The following DSC2 variants were observed in gnomAD, a reference collection of about 807,000 sequenced individuals.
The protein encoded by DSC2 is desmocollin 2.
A neutral mutation model predicts 87.6 loss-of-function variants in DSC2; 51 were observed. The ratio of observed to expected loss-of-function variants is 0.58; its 90% CI spans 0.46 to 0.74. The LOEUF (loss-of-function observed/expected upper bound fraction) is 0.74, where lower values mean the gene tolerates loss of function less well. Among genes scored for constraint, DSC2 ranks in the 30% least tolerant of loss-of-function variants. The probability of loss-of-function intolerance (pLI) is 0.00; values close to 1 mark genes in which losing one functional copy is unlikely to be tolerated. For missense variants in DSC2, 1,066 were observed against 1,089.5 expected (o/e 0.98, Z 0.30); for synonymous variants, 383 against 393.2 (o/e 0.97, Z 0.31).
At position 31,101,317 on chromosome 18, in the gene DSC2, C is replaced by T. The variant is rs1278154929; in HGVS notation, c.69+586G>A. 3 of 951,642 alleles carry T rather than the reference C, an allele frequency of 3.2e-6. No homozygotes were observed. The African/African-American group carries it at 5.5e-5, about 17-fold the overall frequency. The allele number at this position is 951,642 out of a possible 1,614,324, so 58.9% of individuals were successfully genotyped here. Reference sequence around the variant, plus strand: ...CGCCCTTCTCTCAGAGTAAACAATTCCCAGAAAGGCGAGCAGTTCCCTTTT... The same window carrying T: ...CGCCCTTCTCTCAGAGTAAACAATTTCCAGAAAGGCGAGCAGTTCCCTTTT... On this transcript the variant is annotated intron_variant, in intron 1 of 15. Coordinates refer to ENST00000280904, the MANE Select transcript of DSC2 (RefSeq NM_024422.6).
At position 31,092,314 on chromosome 18, in the gene DSC2, G is replaced by A. The variant is rs761751783; in HGVS notation, c.155-14C>T. 2 of 1,604,854 alleles carry A rather than the reference G, an allele frequency of 1.2e-6. No individual in the cohort carries two copies. The highest frequency in any genetic ancestry group is 1.1e-5 in the South Asian group (1 of 90,850). ...CTTTCAGGTTAACTGTAGAAAATAT[G>A]CACAGCAATCATTTTTAAAGTAAAA... On this transcript the variant is annotated splice_polypyrimidine_tract_variant and intron_variant, in intron 2 of 15. Transcript: ENST00000280904.
intron 14 of DSC2, 68 bp downstream of exon 14, chr18:31,070,657 AT>A: frequency 6.2e-7 from 1 of 1,604,338 alleles, no homozygotes. Flanking sequence ...AGAAAAGATC[AT>A]TTTAGAAGGA....
intron 12 of DSC2, among the ~76,000 whole-genome samples, chr18:31,074,048 A>G (rs1342296810): frequency 6.6e-6 from 1 of 152,216 alleles, no homozygotes; most frequent in Non-Finnish European, 1.5e-5. Flanking sequence ...TGGGCAGCCC[A>G]CATACACTGA....
intron 12 of DSC2, among the ~76,000 whole-genome samples, chr18:31,072,865 T>C (rs1986879376): frequency 6.6e-6 from 1 of 152,236 alleles, no homozygotes; most frequent in Non-Finnish European, 1.5e-5. Context: ...GGTTAACCTG[T>C]TAAGTCTATT....
In DSC2 at chr18:31,059,546, C is replaced by T. The variant is rs1330974796; in HGVS notation, c.*8469G>A. 2.0e-5 allele frequency: 3 copies of T among 152,068 alleles called. No homozygotes were observed. Among genetic ancestry groups the T allele is most frequent in the Non-Finnish European group, 4.4e-5 (3 of 68,010 alleles). The allele number at this position is 152,068 out of a possible 1,614,324, so 9.4% of individuals were successfully genotyped here. On this transcript the variant is annotated 3_prime_UTR_variant, in exon 16 of 16. Coordinates refer to ENST00000280904, the MANE Select transcript of DSC2 (RefSeq NM_024422.6). ...CTTTTCTTCACAGGCCTGTAAGCTC[C>T]CCAAATTCTAAAGCCTGTGAGTTTT...
At chr18:31,086,316 TGACA>T (rs1366238753) in intron 7 of DSC2, among the ~76,000 whole-genome samples, 2 of 152,192 alleles carry the variant, frequency 1.3e-5, no homozygotes, top group African/African-American at 4.8e-5. Flanking sequence ...TTTTCATATT[TGACA>T]TTTTGTTTTA....
At chr18:31,072,715 G>T (rs1327064600) in intron 12 of DSC2, among the ~76,000 whole-genome samples, 1 of 152,114 alleles carries the variant, frequency 6.6e-6, no homozygotes, top group Non-Finnish European at 1.5e-5. Context: ...GCAGATACCA[G>T]GTCCCATAGA....
chr18:31,087,803 A>G lies in DSC2; in HGVS notation c.641T>C (p.Phe214Ser). Residue 214 changes from phenylalanine (F) to serine (S), a missense_variant, in exon 6 of 16, where the codon TTT becomes TCT. Coordinates refer to ENST00000280904, the MANE Select transcript of DSC2 (RefSeq NM_024422.6). ...EQYESFEIIAFATTPDGYTPE... is the reference protein window; with the variant it reads ...EQYESFEIIASATTPDGYTPE... ...AGTATACCCATCTGGAGTTGTTGCAAAGGCAATTATCTGTGAAGAGAGTAA... is the reference window on the plus strand; with the variant it reads ...AGTATACCCATCTGGAGTTGTTGCAGAGGCAATTATCTGTGAAGAGAGTAA... The G allele has an allele frequency of 6.2e-7, 1 of 1,613,790 alleles. No homozygotes were observed.
chr18:31,101,695 T>C, intron 1 of DSC2: 1 of 580,688 alleles, frequency 1.7e-6, no homozygotes, highest in Non-Finnish European at 3.0e-6. Context: ...GGAGACACCT[T>C]CCCTTCCCTT....
intron 1 of DSC2, among the ~76,000 whole-genome samples, chr18:31,098,955 A>T (rs181997255): frequency 1.1e-3 from 167 of 152,318 alleles, no homozygotes; most frequent in Non-Finnish European, 2.1e-3. Flanking sequence ...AAGGAAGGGG[A>T]GCAGTGAGAA....
chr18:31,080,221 C>A lies in DSC2; in HGVS notation c.1395G>T (p.Gln465His), dbSNP rs751245161. 1 of 1,614,078 alleles carries A rather than the reference C, an allele frequency of 6.2e-7. No homozygotes were observed. The highest frequency in any genetic ancestry group is 1.1e-5 in the South Asian group (1 of 91,082). ...GAGGGTTACACTCAGGGCCCTCATC[C>A]TGATCTTCTACATTAACAGTAACTG... ...TATVTVNVEDQDEGPECNPPI... is the reference protein window; with the variant it reads ...TATVTVNVEDHDEGPECNPPI... Residue 465 changes from glutamine to histidine, a missense_variant, in exon 10 of 16, where the codon CAG (glutamine) becomes CAT (histidine). Transcript: ENST00000280904.
At chr18:31,090,503 T>C (rs1033276867) in intron 4 of DSC2, among the ~76,000 whole-genome samples, 3 of 151,966 alleles carry the variant, frequency 2.0e-5, no homozygotes, top group African/African-American at 7.3e-5. Context: ...TGGGAGATCA[T>C]TTCAGCCTAG....
chr18:31,071,705 A>T lies in DSC2; in HGVS notation c.2025T>A (p.Asn675Lys). The T allele has an allele frequency of 6.2e-7, 1 of 1,614,098 alleles. No homozygotes were observed. Among genetic ancestry groups the T allele is most frequent in the African/African-American group, 1.3e-5 (1 of 75,048 alleles). ...DVTLCDCITE[N>K]DCTHRVDPRI... is the part of the protein sequence containing the mutation. ...TTGGATCTACACGATGTGTGCAGTC[A>T]TTTTCGGTAATGCAGTCACACAGTG... Residue 675 changes from asparagine (N) to lysine (K), a missense_variant, in exon 13 of 16, where the codon AAT (asparagine) becomes AAA (lysine). Physicochemically the swap from Asn to Lys is moderately conservative, Grantham distance 94. Coordinates refer to ENST00000280904, the MANE Select transcript of DSC2 (RefSeq NM_024422.6).
intron 5 of DSC2, among the ~76,000 whole-genome samples, chr18:31,088,532 G>T (rs1291467644): frequency 2.0e-5 from 3 of 152,086 alleles, no homozygotes; most frequent in Non-Finnish European, 2.9e-5. Flanking sequence ...TGTCTTATTT[G>T]ATTAATTTGG....
Position 31,080,310 on chromosome 18 carries a change from C to A in DSC2, c.1306G>T (p.Gly436Cys). 1 of 1,613,972 alleles carries A rather than the reference C, an allele frequency of 6.2e-7. No homozygotes were observed. Among genetic ancestry groups the A allele is most frequent in the Non-Finnish European group, 8.5e-7 (1 of 1,179,934 alleles). The part of the protein sequence containing the change: ...EEKQQMILQI[G>C]VVNEAPFSRE... ...GAAAATGGAGCTTCATTAACTACACCAATTTGCAAGATCATCTGTTGCTTT... is the reference window on the plus strand; with the variant it reads ...GAAAATGGAGCTTCATTAACTACACAAATTTGCAAGATCATCTGTTGCTTT... The change falls in exon 10 of 16, where the codon GGT (glycine) becomes TGT (cysteine). Residue 436 changes from glycine to cysteine, a missense_variant. Gly to Cys is a radical substitution (Grantham distance 159). Coordinates refer to ENST00000280904, the MANE Select transcript of DSC2 (RefSeq NM_024422.6).
In DSC2 at chr18:31,062,612, T is replaced by C. The variant is rs976093954; in HGVS notation, c.*5403A>G. 6.6e-6 allele frequency: 1 copy of C among 152,202 alleles called. No individual in the cohort carries two copies. The highest frequency in any genetic ancestry group is 2.4e-5 in the African/African-American group (1 of 41,456). The allele number at this position is 152,202 out of a possible 1,614,324, so 9.4% of individuals were successfully genotyped here. A position where few individuals can be genotyped will look rare whatever the true frequency, so the allele number is the denominator to read the frequency against. On this transcript the variant is annotated 3_prime_UTR_variant, in exon 16 of 16. Transcript: ENST00000280904. ...CACACCAAATATATTCAGTGTCTAC[T>C]GCTCTACATGTTAGGCATACAGTGG...
rs1987275455 is a variant in DSC2 at position 31,082,943 on chromosome 18, T to C, written c.1060A>G (p.Thr354Ala). Residue 354 changes from threonine (T) to alanine (A), a missense_variant, in exon 8 of 16, where the codon ACA (threonine) becomes GCA (alanine). Coordinates refer to ENST00000280904, the MANE Select transcript of DSC2 (RefSeq NM_024422.6). ...ACACTTACAGAAGTACGAGTAAATGTTGGCAAGTGGTCATTTACATCATCA... is the reference window on the plus strand; with the variant it reads ...ACACTTACAGAAGTACGAGTAAATGCTGGCAAGTGGTCATTTACATCATCA... ...NIDDVNDHLPTFTRTSYVTSV... is the reference protein window; with the variant it reads ...NIDDVNDHLPAFTRTSYVTSV... 3 of 1,613,520 alleles carry C rather than the reference T, an allele frequency of 1.9e-6. No individual in the cohort carries two copies. The highest frequency in any genetic ancestry group is 2.2e-5 in the East Asian group (1 of 44,850).
chr18:31,089,581 G>A lies in DSC2; in HGVS notation c.488C>T (p.Thr163Met), dbSNP rs758759298. ...PLFLQQVQSDTAQNYTIYYSI... is the reference protein window; with the variant it reads ...PLFLQQVQSDMAQNYTIYYSI... ...ATAGTATATGGTATAGTTTTGGGCC[G>A]TGTCAGATTGAACCTAGAAAGTAGA... Residue 163 changes from threonine (T) to methionine (M), a missense_variant, in exon 5 of 16, where the codon ACG becomes ATG. By Grantham distance (81) the Thr-to-Met change is moderately conservative (BLOSUM62 -1). Coordinates refer to ENST00000280904, the MANE Select transcript of DSC2 (RefSeq NM_024422.6). 23 of 1,613,564 alleles carry A rather than the reference G, an allele frequency of 1.4e-5. No homozygotes were observed. Among genetic ancestry groups the A allele is most frequent in the Admixed American group, 3.3e-5 (2 of 59,970 alleles).
intron 5 of DSC2, among the ~76,000 whole-genome samples, chr18:31,088,906 G>C (rs562067611): frequency 2.0e-5 from 3 of 152,126 alleles, no homozygotes; most frequent in Non-Finnish European, 4.4e-5. Context: ...GCTCAGTCCT[G>C]TAATCCCAGC....
Sources: gnomAD v4.1 joint callset for allele counts (sites outside exome capture counted in the v4.1 genomes callset) on GRCh38, gnomAD v4.1.1 for gene constraint, MANE v1.5 for transcripts, NCBI Gene and HGNC (gene_info 2026-07-23, HGNC 2026-07-21) for gene names.